Variants in PICALM observed in about 807,000 individuals in gnomAD.
PICALM encodes phosphatidylinositol binding clathrin assembly protein, also known as phosphatidylinositol-binding clathrin assembly protein.
A neutral mutation model predicts 80.5 loss-of-function variants in PICALM; 40 were observed. The ratio of observed to expected loss-of-function variants is 0.50; its 90% CI spans 0.39 to 0.65. The LOEUF (loss-of-function observed/expected upper bound fraction) is 0.65. Among genes scored for constraint, PICALM ranks in the 30% least tolerant of loss-of-function variants. The probability of loss-of-function intolerance (pLI) is 0.00; values close to 1 mark genes in which losing one functional copy is unlikely to be tolerated. For missense variants in PICALM, 676 were observed against 778.9 expected, an observed-to-expected ratio of 0.87 and a Z score of 1.57; for synonymous variants, 288 against 260.3, an observed-to-expected ratio of 1.11 and a Z score of -1.02.
intron 1 of PICALM, among the ~76,000 whole-genome samples, chr11:86,035,956 A>G (rs972029220): frequency 6.6e-6 from 1 of 151,066 alleles, no homozygotes; most frequent in Admixed American, 6.6e-5. Flanking sequence ...TCAAAAAAAA[A>G]AAAAAAAAAG....
chr11:86,004,391 A>C (rs970258790), intron 8 of PICALM, among the ~76,000 whole-genome samples: 1 of 152,168 alleles, frequency 6.6e-6, no homozygotes. Context: ...GTGACTGTGG[A>C]GGTGGGTAAG....
At chr11:86,009,373 A>T (rs1439554775) in intron 7 of PICALM, among the ~76,000 whole-genome samples, 2 of 149,624 alleles carry the variant, frequency 1.3e-5, no homozygotes, top group Non-Finnish European at 3.0e-5. Context: ...TTAACAGCAG[A>T]TCTGGAGTAC....
rs931270073 is a variant in PICALM at position 86,060,772 on chromosome 11, A to G, written c.130+7879T>C. Reference sequence around the variant, plus strand: ...AAATGAATCAGGAGACAGACATTACACTCACAAAAATTAACTCAAAATGGA... The same window carrying G: ...AAATGAATCAGGAGACAGACATTACGCTCACAAAAATTAACTCAAAATGGA... On this transcript the variant is annotated intron_variant, in intron 1 of 19. Coordinates refer to ENST00000393346, the MANE Select transcript of PICALM (RefSeq NM_007166.4). 5.3e-5 allele frequency among the ~76,000 whole-genome samples: 8 copies of G among 152,062 alleles called. No homozygotes were observed. In the East Asian group the frequency reaches 1.5e-3, roughly 29 times the overall value.
intron 1 of PICALM, among the ~76,000 whole-genome samples, chr11:86,068,294 G>A (rs1418762475): frequency 1.3e-5 from 2 of 152,204 alleles, no homozygotes; most frequent in Admixed American, 1.3e-4. Flanking sequence ...GGCACCGGAC[G>A]GGTGGGAAGG....
At chr11:86,057,718 T>C (rs2137561231) in intron 1 of PICALM, among the ~76,000 whole-genome samples, 1 of 152,328 alleles carries the variant, frequency 6.6e-6, no homozygotes, top group Middle Eastern at 3.4e-3. Context: ...CATTTTTCCT[T>C]GTCATCATTC....
chr11:86,044,607 A>G (rs1056622750), intron 1 of PICALM, among the ~76,000 whole-genome samples: 8 of 152,188 alleles, frequency 5.3e-5, no homozygotes, highest in African/African-American at 1.7e-4. Flanking sequence ...AACTGTAGCT[A>G]GTAAGCATGT....
In PICALM at chr11:86,031,625, T is replaced by G. The variant is rs373697399; in HGVS notation, c.131-14A>C. The G allele has an allele frequency of 3.7e-5, 59 of 1,579,990 alleles. No homozygotes were observed. The highest frequency in any genetic ancestry group is 4.9e-5 in the Non-Finnish European group (57 of 1,163,920). Reference sequence around the variant, plus strand: ...ACTGAATTAAGTCTGCAATAAAAAATTTTTAAATGATTAATTTCCTCTGTG... The same window carrying G: ...ACTGAATTAAGTCTGCAATAAAAAAGTTTTAAATGATTAATTTCCTCTGTG... On this transcript the variant is annotated splice_polypyrimidine_tract_variant and intron_variant, in intron 1 of 19. Coordinates refer to ENST00000393346, the MANE Select transcript of PICALM (RefSeq NM_007166.4).
At chr11:86,021,298 C>T (rs1433209845) in intron 4 of PICALM, among the ~76,000 whole-genome samples, 1 of 151,938 alleles carries the variant, frequency 6.6e-6, no homozygotes, top group African/African-American at 2.4e-5. Flanking sequence ...CTGCAGTGAG[C>T]TGGGATGGTG....
chr11:86,055,704 A>G (rs184076560), intron 1 of PICALM, among the ~76,000 whole-genome samples: 79 of 152,350 alleles, frequency 5.2e-4, no homozygotes, highest in African/African-American at 1.9e-3. Flanking sequence ...TTCATACCAT[A>G]TACAAAAGTT....
chr11:86,038,504 C>T (rs2095882224), intron 1 of PICALM, among the ~76,000 whole-genome samples: 1 of 151,646 alleles, frequency 6.6e-6, no homozygotes, highest in Non-Finnish European at 1.5e-5. Flanking sequence ...AAGTCCTGGC[C>T]GGGCACGGTG....
At chr11:86,039,660 T>C (rs973906496) in intron 1 of PICALM, among the ~76,000 whole-genome samples, 11 of 152,100 alleles carry the variant, frequency 7.2e-5, no homozygotes, top group Non-Finnish European at 1.5e-4. Flanking sequence ...TATGAAGAAA[T>C]AAAAAATTTA....
intron 19 of PICALM, among the ~76,000 whole-genome samples, chr11:85,972,034 T>C (rs2094129133): frequency 6.6e-6 from 1 of 152,062 alleles, no homozygotes; most frequent in Non-Finnish European, 1.5e-5. Context: ...CTACTCACCT[T>C]GGCTTCCCAA....
At chr11:86,006,718 G>A (rs1408411565) in intron 8 of PICALM, among the ~76,000 whole-genome samples, 1 of 152,182 alleles carries the variant, frequency 6.6e-6, no homozygotes, top group African/African-American at 2.4e-5. Context: ...CAACAAATGA[G>A]AGAGTTGATG....
intron 13 of PICALM, among the ~76,000 whole-genome samples, chr11:85,989,470 C>G (rs1437587439): frequency 1.3e-5 from 2 of 152,132 alleles, no homozygotes; most frequent in East Asian, 3.8e-4. Flanking sequence ...CACCGTTAAG[C>G]TGTTTCTCTG....
At chr11:85,992,592 T>C (rs1328763923) in intron 12 of PICALM, among the ~76,000 whole-genome samples, 1 of 152,216 alleles carries the variant, frequency 6.6e-6, no homozygotes, top group Non-Finnish European at 1.5e-5. Flanking sequence ...CGGCCGAATG[T>C]TCTGTTTTTA....
At chr11:85,993,545 T>A (rs759363244) in intron 12 of PICALM, among the ~76,000 whole-genome samples, 5 of 151,984 alleles carry the variant, frequency 3.3e-5, no homozygotes, top group Non-Finnish European at 7.4e-5. Context: ...TTCAAGCGAC[T>A]CTCGTGCCTC....
intron 1 of PICALM, among the ~76,000 whole-genome samples, chr11:86,047,099 T>C (rs1404211924): frequency 6.6e-6 from 1 of 152,248 alleles, no homozygotes; most frequent in Non-Finnish European, 1.5e-5. Context: ...TGGAACTACA[T>C]TTTTCAAACA....
At chr11:86,014,847 T>TAA (rs765525208) in intron 5 of PICALM, 23 bp downstream of exon 5, 14 of 1,359,772 alleles carry the variant, frequency 1.0e-5, no homozygotes, top group Admixed American at 2.3e-5. Context: ...TTTAAAATCT[T>TAA]AAATTACAAA....
intron 1 of PICALM, among the ~76,000 whole-genome samples, chr11:86,034,048 T>C (rs1038681470): frequency 2.6e-5 from 4 of 152,234 alleles, no homozygotes; most frequent in Non-Finnish European, 5.9e-5. Context: ...AACTATAGTA[T>C]GCTTTTAGTA....
Sources: allele counts gnomAD v4.1 joint callset (sites outside exome capture counted in the v4.1 genomes callset), GRCh38; gene constraint gnomAD v4.1.1; transcripts MANE v1.5; gene names NCBI Gene and HGNC (gene_info 2026-07-23, HGNC 2026-07-21).